COL4A1: variants seen among roughly 807,000 people sequenced by gnomAD.
COL4A1 encodes the protein collagen type IV alpha 1 chain, also known as collagen alpha-1(IV) chain.
In COL4A1, 40 loss-of-function variants were observed where a neutral mutation model predicts 216.6. The ratio of observed to expected loss-of-function variants is 0.18; its 90% confidence interval spans 0.14 to 0.24. The LOEUF (loss-of-function observed/expected upper bound fraction) is 0.24, where lower values mean the gene tolerates loss of function less well. Among genes scored for constraint, COL4A1 ranks in the 10% least tolerant of loss-of-function variants. The pLI, the probability that COL4A1 is intolerant of heterozygous loss-of-function variation, is 1.00. For missense variants in COL4A1, 1,628 were observed against 2,196.8 expected (o/e 0.74, Z 5.18); for synonymous variants, 839 against 810.7 (o/e 1.03, Z -0.59).
intron 22 of COL4A1, among the ~76,000 whole-genome samples, chr13:110,194,161 A>G (rs1878770855): frequency 6.6e-6 from 1 of 152,082 alleles, no homozygotes; most frequent in Non-Finnish European, 1.5e-5. Flanking sequence ...GATCAGTGGC[A>G]CCCCTGTGAT....
intron 46 of COL4A1, among the ~76,000 whole-genome samples, chr13:110,164,009 G>C (rs1310127382): frequency 1.3e-5 from 1 of 77,472 alleles, no homozygotes; most frequent in Non-Finnish European, 2.5e-5. Flanking sequence ...TTTTTTTTGA[G>C]ACAGGGTCTC....
At chr13:110,262,577 C>T (rs1179114597) in intron 1 of COL4A1, among the ~76,000 whole-genome samples, 2 of 152,194 alleles carry the variant, frequency 1.3e-5, no homozygotes, top group Non-Finnish European at 2.9e-5. Context: ...CAAAGATCAA[C>T]AATCTCGGAG....
At chr13:110,250,836 C>T (rs937112875) in intron 1 of COL4A1, among the ~76,000 whole-genome samples, 4 of 152,208 alleles carry the variant, frequency 2.6e-5, no homozygotes, top group African/African-American at 9.6e-5. Context: ...CCGGGTCCCA[C>T]GGAGCCCCTC....
intron 41 of COL4A1, among the ~76,000 whole-genome samples, chr13:110,171,440 T>C (rs899653850): frequency 1.3e-5 from 2 of 152,182 alleles, no homozygotes; most frequent in African/African-American, 4.8e-5. Context: ...TTGTCCACTT[T>C]AAATATTTGT....
At chr13:110,255,598 G>C (rs1237619442) in intron 1 of COL4A1, among the ~76,000 whole-genome samples, 1 of 7,722 alleles carries the variant, frequency 1.3e-4, no homozygotes, top group Non-Finnish European at 3.2e-4. Flanking sequence ...GGAAGGGAAG[G>C]GGGCAGGCAG....
At chr13:110,304,382 G>A (rs575851316) in intron 1 of COL4A1, among the ~76,000 whole-genome samples, 1 of 152,286 alleles carries the variant, frequency 6.6e-6, no homozygotes, top group Admixed American at 6.5e-5. Context: ...AGTATTGCTG[G>A]ACAAGCATCA....
At chr13:110,177,792 C>T (rs925683409) in intron 33 of COL4A1, 50 bp downstream of exon 33, 2 of 1,575,762 alleles carry the variant, frequency 1.3e-6, no homozygotes, top group African/African-American at 2.7e-5. Flanking sequence ...TCCCAAGTGG[C>T]ATCGAGAAAT....
At chr13:110,248,075 C>A (rs571020221) in intron 1 of COL4A1, among the ~76,000 whole-genome samples, 6 of 151,872 alleles carry the variant, frequency 4.0e-5, no homozygotes, top group Admixed American at 3.3e-4. Flanking sequence ...CAAGTCTAAA[C>A]AGCTTATCTT....
intron 24 of COL4A1, among the ~76,000 whole-genome samples, chr13:110,188,192 G>A (rs1231776293): frequency 2.0e-5 from 3 of 152,356 alleles, no homozygotes; most frequent in East Asian, 1.9e-4. Context: ...CCTGAGAAAG[G>A]CATCTTCAGA....
At chr13:110,267,279 A>G (rs1247957531) in intron 1 of COL4A1, among the ~76,000 whole-genome samples, 1 of 152,170 alleles carries the variant, frequency 6.6e-6, no homozygotes, top group Non-Finnish European at 1.5e-5. Context: ...GAGGAGGGGC[A>G]GGGAGACGGA....
chr13:110,200,062 A>G (rs1350685626), intron 20 of COL4A1, among the ~76,000 whole-genome samples: 1 of 152,214 alleles, frequency 6.6e-6, no homozygotes, highest in Admixed American at 6.5e-5. Context: ...AATATAAAAT[A>G]ATAAACGGGG....
intron 2 of COL4A1, among the ~76,000 whole-genome samples, chr13:110,218,874 T>A (rs960425112): frequency 1.3e-5 from 2 of 152,168 alleles, no homozygotes; most frequent in Admixed American, 6.5e-5. Context: ...GCCCTCACAT[T>A]TGAAGCCAGA....
At chr13:110,155,712 T>TGGGA (rs1475420489) in intron 49 of COL4A1, among the ~76,000 whole-genome samples, 1 of 152,054 alleles carries the variant, frequency 6.6e-6, no homozygotes, top group African/African-American at 2.4e-5. Context: ...GGAGTTCAAG[T>TGGGA]CCAGCCTGAC....
chr13:110,246,671 T>G (rs1280318584), intron 1 of COL4A1, among the ~76,000 whole-genome samples: 1 of 152,190 alleles, frequency 6.6e-6, no homozygotes, highest in East Asian at 1.9e-4. Flanking sequence ...CTGAGGGCCT[T>G]TATGAGGGCT....
intron 1 of COL4A1, among the ~76,000 whole-genome samples, chr13:110,295,911 G>A (rs1884257421): frequency 1.3e-5 from 2 of 152,236 alleles, no homozygotes; most frequent in Admixed American, 6.5e-5. Flanking sequence ...GGGGAGACAG[G>A]TGCGCTTTCT....
chr13:110,280,298 C>T (rs1883580786), intron 1 of COL4A1, among the ~76,000 whole-genome samples: 1 of 152,192 alleles, frequency 6.6e-6, no homozygotes, highest in African/African-American at 2.4e-5. Flanking sequence ...TCAGACACAA[C>T]AAAAATGCAC....
chr13:110,192,078 AG>A, intron 24 of COL4A1, 135 bp downstream of exon 24: 2 of 855,528 alleles, frequency 2.3e-6, no homozygotes, highest in Non-Finnish European at 1.9e-6. Flanking sequence ...GTCACTCCAG[AG>A]GGCTCGACAC....
At chr13:110,210,076 C>T (rs745891267) in intron 9 of COL4A1, 34 bp from the exon 10 acceptor site, 6 of 1,613,718 alleles carry the variant, frequency 3.7e-6, no homozygotes, top group South Asian at 2.2e-5. Context: ...AGTTCAGATG[C>T]GAACTGGGAG....
chr13:110,288,337 C>A lies in COL4A1; in HGVS notation c.84+18607G>T, dbSNP rs552447739. On this transcript the variant is annotated intron_variant, in intron 1 of 51. Transcript: ENST00000375820. The stretch of plus-strand genomic sequence containing the variant: ...AGCCTTGAATCGCTGCTACTATGAG[C>A]CTTGAAACTCAGCTTTGATCTTGCT... 3.3e-5 allele frequency among the ~76,000 whole-genome samples: 5 copies of A among 151,818 alleles called. No individual in the cohort carries two copies. In the South Asian group the frequency reaches 1.0e-3, roughly 32 times the overall value.
Sources: gnomAD v4.1 joint callset for allele counts (sites outside exome capture counted in the v4.1 genomes callset) on GRCh38, gnomAD v4.1.1 for gene constraint, MANE v1.5 for transcripts, NCBI Gene and HGNC (gene_info 2026-07-23, HGNC 2026-07-21) for gene names.